GPR174: variants seen among roughly 807,000 people sequenced by gnomAD.
GPR174 encodes G protein-coupled receptor 174.
In GPR174, 8 loss-of-function variants were observed where a neutral mutation model predicts 16.5. The observed-to-expected ratio is 0.48, with a 90% CI of 0.28 to 0.87. GPR174 has a LOEUF of 0.87. GPR174 is among the 40% of genes least tolerant of loss of function. The pLI is 0.09. For synonymous variants in GPR174, 111 were observed against 94.8 expected (o/e 1.17, Z -0.99); for missense variants, 214 against 247.5 (o/e 0.86, Z 0.91).
At chrX:79,155,329 A>G (rs1921071153) in intron 1 of GPR174, among the ~76,000 whole-genome samples, 2 of 111,080 alleles carry the variant, frequency 1.8e-5, no homozygotes, top group African/African-American at 6.5e-5. Context: ...GGGCCTCTAG[A>G]CCTGCCTTTT....
chrX:79,147,170 T>C (rs965380694), intron 1 of GPR174, among the ~76,000 whole-genome samples: 2 of 111,171 alleles, frequency 1.8e-5, no homozygotes, highest in Admixed American at 9.5e-5. Flanking sequence ...CATTGTGCAG[T>C]TGGAAAAAAT....
At chrX:79,167,547 G>A (rs900313879) in intron 2 of GPR174, among the ~76,000 whole-genome samples, 1 of 110,432 alleles carries the variant, frequency 9.1e-6, no homozygotes, top group Non-Finnish European at 1.9e-5. Context: ...TGAATAGCCC[G>A]TGAGGTCCTC....
chrX:79,166,114 G>T (rs1457533445), intron 2 of GPR174, among the ~76,000 whole-genome samples: 1 of 111,308 alleles, frequency 9.0e-6, no homozygotes, highest in Non-Finnish European at 1.9e-5. Context: ...GTGTAAAATG[G>T]AACTTTGTAA....
rs142588216 is a variant in GPR174, at chrX:79,171,283, G to T, written c.276G>T (p.Met92Ile). The T allele has an allele frequency of 1.7e-6, 2 of 1,211,580 alleles. No homozygotes were observed. The highest frequency in any genetic ancestry group is 2.2e-5 in the Admixed American group (1 of 46,084). The change falls in exon 3 of 3, where the codon ATG (methionine) becomes ATT (isoleucine). Residue 92 changes from methionine to isoleucine, a missense_variant. Met to Ile is a conservative substitution (Grantham distance 10). Transcript: ENST00000645147. The part of the protein sequence containing the change: ...HDWPFGPGLC[M>I]FCFYLKYVNM... The stretch of plus-strand genomic sequence containing the variant: ...GGCCATTTGGGCCTGGTCTCTGCAT[G>T]TTCTGTTTCTACCTGAAGTATGTCA...
intron 2 of GPR174, among the ~76,000 whole-genome samples, chrX:79,164,346 A>T (rs1921304893): frequency 8.9e-6 from 1 of 112,006 alleles, no homozygotes; most frequent in Non-Finnish European, 1.9e-5. Flanking sequence ...ATTAGAAATT[A>T]TGTGTCACTT....
At chrX:79,162,676 C>G (rs747326428) in intron 2 of GPR174, among the ~76,000 whole-genome samples, 4 of 111,766 alleles carry the variant, frequency 3.6e-5, no homozygotes, top group Non-Finnish European at 7.5e-5. Flanking sequence ...TAGTAAAAGT[C>G]TATTCTAATT....
At chrX:79,162,955 T>C (rs963715519) in intron 2 of GPR174, among the ~76,000 whole-genome samples, 2 of 111,737 alleles carry the variant, frequency 1.8e-5, no homozygotes, top group Non-Finnish European at 3.8e-5. Flanking sequence ...AAAGAGTTGC[T>C]GGGAAGCTGG....
intron 1 of GPR174, among the ~76,000 whole-genome samples, chrX:79,147,646 G>T: frequency 9.1e-6 from 1 of 109,726 alleles, no homozygotes; most frequent in Middle Eastern, 4.6e-3. Flanking sequence ...AGACAAGAGA[G>T]AGTATGCAGG....
intron 2 of GPR174, among the ~76,000 whole-genome samples, chrX:79,159,412 C>T (rs1283820057): frequency 1.8e-5 from 2 of 112,424 alleles, no homozygotes; most frequent in Non-Finnish European, 3.8e-5. Flanking sequence ...CCCTTGGCCA[C>T]AACGTTTGTG....
intron 1 of GPR174, among the ~76,000 whole-genome samples, chrX:79,148,579 A>T (rs1444898067): frequency 1.8e-5 from 2 of 111,677 alleles, no homozygotes; most frequent in Admixed American, 1.9e-4. Context: ...ATGCAGTGGC[A>T]TGATCACAGC....
rs189771554 is a variant in GPR174, at chrX:79,164,400, T to G, written c.-556-6052T>G. Among the ~76,000 whole-genome samples the G allele has an allele frequency of 6.6e-3, 745 of 112,162 alleles. 2 individuals carry two copies. Among genetic ancestry groups the G allele is most frequent in the South Asian group, 0.014 (37 of 2,676 alleles). ...AGGTGGCTTGTGCCAGACACAGAGT[T>G]GTCATCACTGGTGGAAGATTACTTA... On this transcript the variant is annotated intron_variant, in intron 2 of 2. Coordinates refer to ENST00000645147, the MANE Select transcript of GPR174 (RefSeq NM_032553.3).
Position 79,164,603 on chromosome X carries a change from A to G in GPR174, c.-556-5849A>G, listed in dbSNP as rs1322681789. Among the ~76,000 whole-genome samples, 4 of 111,841 alleles carry G rather than the reference A, an allele frequency of 3.6e-5. No individual in the cohort carries two copies. The East Asian group carries it at 8.4e-4, about 23-fold the overall frequency. ...GTTCTTTGCATGTCGTTACTGCTCA[A>G]TGACCATGGAGGCTTATTTTCTGAA... On this transcript the variant is annotated intron_variant, in intron 2 of 2. Transcript: ENST00000645147.
chrX:79,165,854 C>A (rs1921347940), intron 2 of GPR174, among the ~76,000 whole-genome samples: 1 of 111,331 alleles, frequency 9.0e-6, no homozygotes, highest in African/African-American at 3.3e-5. Context: ...CCAGAAGGGT[C>A]TGATTATCTT....
chrX:79,157,135 T>TA (rs1921118068), intron 2 of GPR174, among the ~76,000 whole-genome samples: 1 of 111,833 alleles, frequency 8.9e-6, no homozygotes, highest in Non-Finnish European at 1.9e-5. Context: ...GAGTATTTGA[T>TA]AAAATGTGGC....
chrX:79,167,076 A>C (rs1363274207), intron 2 of GPR174, among the ~76,000 whole-genome samples: 1 of 112,123 alleles, frequency 8.9e-6, no homozygotes, highest in Non-Finnish European at 1.9e-5. Flanking sequence ...TAAAGATGGG[A>C]TAGAACAATT....
chrX:79,151,127 T>G (rs751653539), intron 1 of GPR174, among the ~76,000 whole-genome samples: 2 of 111,120 alleles, frequency 1.8e-5, no homozygotes, highest in Admixed American at 1.9e-4. Context: ...ATTCAGCAGG[T>G]TTTTTGAGCT....
At chrX:79,160,882 G>A (rs1921219353) in intron 2 of GPR174, among the ~76,000 whole-genome samples, 1 of 111,432 alleles carries the variant, frequency 9.0e-6, no homozygotes, top group Admixed American at 9.5e-5. Flanking sequence ...CCTAATGTTA[G>A]GAAGGGCAGG....
chrX:79,166,442 T>TC (rs1332508585), intron 2 of GPR174, among the ~76,000 whole-genome samples: 4 of 75,045 alleles, frequency 5.3e-5, no homozygotes, highest in East Asian at 8.5e-4. Context: ...CTTTTTTTTT[T>TC]TTTTTTTTTT....
intron 2 of GPR174, among the ~76,000 whole-genome samples, chrX:79,161,640 G>A (rs1279247403): frequency 9.0e-6 from 1 of 111,707 alleles, no homozygotes; most frequent in Non-Finnish European, 1.9e-5. Flanking sequence ...ATGATGTAGG[G>A]GGTAAACAAT....
Sources: gnomAD v4.1 joint callset for allele counts (sites outside exome capture counted in the v4.1 genomes callset) on GRCh38, gnomAD v4.1.1 for gene constraint, MANE v1.5 for transcripts, NCBI Gene and HGNC (gene_info 2026-07-23, HGNC 2026-07-21) for gene names.